The following DOCK9 variants were observed in gnomAD, a reference collection of about 807,000 sequenced individuals.
DOCK9 encodes dedicator of cytokinesis 9.
A neutral mutation model predicts 263.3 loss-of-function variants in DOCK9; 89 were observed. The observed-to-expected ratio is 0.34, with a 90% CI of 0.28 to 0.40. The LOEUF (loss-of-function observed/expected upper bound fraction) is 0.40. Among genes scored for constraint, DOCK9 ranks in the 10% least tolerant of loss-of-function variants. DOCK9 has a pLI of 1.00. For synonymous variants in DOCK9, 976 were observed against 973.1 expected (o/e 1.00, Z -0.06); for missense variants, 2,140 against 2,603.4 (o/e 0.82, Z 3.87).
At chr13:99,036,024 C>CT (rs1171143588) in intron 1 of DOCK9, among the ~76,000 whole-genome samples, 2 of 152,112 alleles carry the variant, frequency 1.3e-5, no homozygotes, top group Non-Finnish European at 2.9e-5. Context: ...GCTTGTCAGC[C>CT]TTCCAAGCCT....
At position 98,831,489 on chromosome 13, in the gene DOCK9, C is replaced by T. The variant is rs112656944; in HGVS notation, c.4494G>A (p.Ala1498=). 372 of 1,591,194 alleles carry T rather than the reference C, an allele frequency of 2.3e-4. 3 individuals are homozygous for T. The African/African-American group carries it at 4.1e-3, about 18-fold the overall frequency. Residue 1498 remains alanine (A), a synonymous_variant, in exon 41 of 53, where the codon GCG becomes GCA. Transcript: ENST00000682017. ...TFYEGRADMC[A]ALCYEILKCC... Reference sequence around the variant, plus strand: ...ACTTGAGAATCTCGTAACACAGAGCCGCACACATGTCCGCTCTCCCTTCAT... The same window carrying T: ...ACTTGAGAATCTCGTAACACAGAGCTGCACACATGTCCGCTCTCCCTTCAT...
At position 98,817,451 on chromosome 13, in the gene DOCK9, C is replaced by CTTTTTTTTTTTTT. The variant is rs10683281; in HGVS notation, c.5130+6934_5130+6946dup. Among the ~76,000 whole-genome samples, 57 of 97,596 alleles carry CTTTTTTTTTTTTT rather than the reference C, an allele frequency of 5.8e-4. 9 individuals carry two copies. The highest frequency in any genetic ancestry group is 7.5e-4 in the South Asian group (2 of 2,668). 64.0% of individuals were successfully genotyped at this position (97,596 alleles called of 152,430 possible). On this transcript the variant is annotated intron_variant, in intron 45 of 52. Transcript: ENST00000682017. Reference sequence around the variant, plus strand: ...TGTGAGAACAGACTAATACACCCAGCTTTTTTTTTTTTTTTTTTTTTGGTA... The same window carrying CTTTTTTTTTTTTT: ...TGTGAGAACAGACTAATACACCCAGCTTTTTTTTTTTTTTTTTTTTTTTTTTTTTTTTTTGGTA...
In DOCK9 at chr13:98,860,436, G is replaced by C; in HGVS notation, c.3666C>G (p.His1222Gln). ...CGGAGATGGCGCCCAGCAGGTCCTT[G>C]TGCAGGCTGTTGTCCAGGGTGCTTC... is the stretch of plus-strand genomic sequence containing the variant. ...QKGSTLDNSL[H>Q]KDLLGAISGI... Residue 1222 changes from histidine to glutamine, a missense_variant, in exon 33 of 53, where the codon CAC becomes CAG. Physicochemically the swap from His to Gln is conservative, Grantham distance 24. Around this residue, in one of 2 missense-constraint regions of DOCK9, gnomAD observed 1,521 missense variants for 1,741.7 expected, o/e 0.87. Coordinates refer to ENST00000682017, the MANE Select transcript of DOCK9 (RefSeq NM_001366683.2). 1.3e-6 allele frequency: 2 copies of C among 1,593,374 alleles called. No homozygotes were observed. Among genetic ancestry groups the C allele is most frequent in the South Asian group, 1.1e-5 (1 of 87,378 alleles).
intron 18 of DOCK9, among the ~76,000 whole-genome samples, chr13:98,887,640 A>AAAG (rs1329962884): frequency 5.6e-5 from 8 of 143,772 alleles, no homozygotes; most frequent in Admixed American, 4.9e-4. Flanking sequence ...AAAAAAAAAA[A>AAAG]AGGATAATAA....
At chr13:98,824,293 G>A in intron 45 of DOCK9, 105 bp downstream of exon 45, 1 of 901,238 alleles carries the variant, frequency 1.1e-6, no homozygotes, top group Non-Finnish European at 1.8e-6. Context: ...TGTATAAGTA[G>A]CAGCTACAGG....
At chr13:98,935,129 AG>A (rs2054608294) in intron 2 of DOCK9, among the ~76,000 whole-genome samples, 1 of 152,202 alleles carries the variant, frequency 6.6e-6, no homozygotes, top group Non-Finnish European at 1.5e-5. Flanking sequence ...AGGTACACTG[AG>A]GGAAAGCTAA....
chr13:99,066,220 C>T (rs1040684652), intron 1 of DOCK9, among the ~76,000 whole-genome samples: 7 of 152,122 alleles, frequency 4.6e-5, no homozygotes, highest in African/African-American at 1.7e-4. Flanking sequence ...GATCATTAGC[C>T]CCACTGCAAA....
At chr13:98,916,843 A>G (rs1241041885) in intron 7 of DOCK9, among the ~76,000 whole-genome samples, 2 of 152,228 alleles carry the variant, frequency 1.3e-5, no homozygotes, top group East Asian at 1.9e-4. Flanking sequence ...CATCTGCAAA[A>G]TAAGTATAAT....
At chr13:98,802,100 C>G (rs1299181999) in intron 49 of DOCK9, among the ~76,000 whole-genome samples, 1 of 151,712 alleles carries the variant, frequency 6.6e-6, no homozygotes, top group African/African-American at 2.4e-5. Flanking sequence ...GGGGGCTGTG[C>G]TTCAGGGGAA....
intron 38 of DOCK9, among the ~76,000 whole-genome samples, chr13:98,837,938 A>T (rs1334207282): frequency 1.3e-5 from 2 of 152,218 alleles, no homozygotes; most frequent in African/African-American, 4.8e-5. Context: ...AGCCCTGTGA[A>T]GTATGAAGAT....
intron 21 of DOCK9, among the ~76,000 whole-genome samples, chr13:98,884,193 T>G (rs1594950333): frequency 6.6e-6 from 1 of 152,262 alleles, no homozygotes; most frequent in Admixed American, 6.5e-5. Context: ...CACCAGCATC[T>G]GAACCCAACT....
chr13:98,923,038 C>A (rs1371165464), intron 5 of DOCK9, among the ~76,000 whole-genome samples: 2 of 152,110 alleles, frequency 1.3e-5, no homozygotes, highest in Non-Finnish European at 2.9e-5. Context: ...AACAATGTAG[C>A]CAGATCTGAT....
intron 2 of DOCK9, chr13:98,950,448 C>T: frequency 1.5e-6 from 1 of 645,804 alleles, no homozygotes; most frequent in East Asian, 2.7e-5. Context: ...GCTCTGCCAT[C>T]TTTCTAGTAT....
intron 2 of DOCK9, among the ~76,000 whole-genome samples, chr13:98,938,126 G>A (rs2055206021): frequency 6.6e-6 from 1 of 152,198 alleles, no homozygotes; most frequent in African/African-American, 2.4e-5. Context: ...GCTCTGTCTG[G>A]CCTCCATCAG....
At chr13:98,957,894 G>A (rs192470101) in intron 1 of DOCK9, among the ~76,000 whole-genome samples, 230 of 152,262 alleles carry the variant, frequency 1.5e-3, no homozygotes, top group African/African-American at 4.7e-3. Context: ...ATAACCACAG[G>A]CCAGGGAGAC....
chr13:98,815,734 G>GGA (rs944335493), intron 45 of DOCK9, among the ~76,000 whole-genome samples: 2 of 152,084 alleles, frequency 1.3e-5, no homozygotes, highest in African/African-American at 2.4e-5. Flanking sequence ...ACCCACCTTG[G>GGA]CCTCCCAAAG....
At chr13:98,942,892 A>AG (rs2056174534) in intron 2 of DOCK9, among the ~76,000 whole-genome samples, 2 of 152,220 alleles carry the variant, frequency 1.3e-5, no homozygotes, top group Non-Finnish European at 2.9e-5. Flanking sequence ...CACACGGAAA[A>AG]GGTATGGTAA....
intron 7 of DOCK9, among the ~76,000 whole-genome samples, chr13:98,915,770 G>A (rs1482219361): frequency 1.3e-5 from 2 of 151,820 alleles, no homozygotes; most frequent in African/African-American, 2.4e-5. Context: ...TCCCTGCAGT[G>A]GAATGAAACC....
At chr13:98,872,725 A>C (rs1274060476) in intron 27 of DOCK9, among the ~76,000 whole-genome samples, 1 of 151,716 alleles carries the variant, frequency 6.6e-6, no homozygotes, top group Non-Finnish European at 1.5e-5. Context: ...CATTCTTCCT[A>C]CCTCTTCATC....
Sources: gnomAD v4.1 joint callset for allele counts (sites outside exome capture counted in the v4.1 genomes callset) on GRCh38, gnomAD v4.1.1 for gene constraint, gnomAD v4.1.1 regional missense constraint, MANE v1.5 for transcripts, NCBI Gene and HGNC (gene_info 2026-07-23, HGNC 2026-07-21) for gene names.